Variants in SLC4A10 observed in about 807,000 individuals in gnomAD.
The protein encoded by SLC4A10 is solute carrier family 4 member 10.
SLC4A10 carries 42 observed loss-of-function variants against 137.7 expected under a neutral mutation model. That is an observed-to-expected ratio of 0.30 (90% CI 0.24 to 0.39). SLC4A10 has a LOEUF of 0.39. Ranked by LOEUF, SLC4A10 falls within the 10% of genes least tolerant of loss-of-function variation. The pLI, the probability that SLC4A10 is intolerant of heterozygous loss-of-function variation, is 1.00. For missense variants in SLC4A10, 925 were observed against 1,355.0 expected (o/e 0.68, Z 4.98); for synonymous variants, 474 against 464.1 (o/e 1.02, Z -0.27).
intron 3 of SLC4A10, among the ~76,000 whole-genome samples, chr2:161,833,741 C>T (rs955396878): frequency 1.6e-4 from 25 of 152,090 alleles, no homozygotes; most frequent in Non-Finnish European, 3.2e-4. Context: ...CTTTTTAATC[C>T]CCAAAGCCAT....
intron 1 of SLC4A10, among the ~76,000 whole-genome samples, chr2:161,721,917 G>A (rs1351536118): frequency 6.6e-6 from 1 of 152,102 alleles, no homozygotes; most frequent in Non-Finnish European, 1.5e-5. Context: ...CTTGTCGCCT[G>A]TCTTACTTCA....
chr2:161,865,815 A>C (rs1355451772), intron 6 of SLC4A10, among the ~76,000 whole-genome samples: 2 of 152,058 alleles, frequency 1.3e-5, no homozygotes, highest in African/African-American at 4.8e-5. Context: ...TGTAAATTGG[A>C]AATTCTGTTT....
intron 26 of SLC4A10, among the ~76,000 whole-genome samples, chr2:161,980,063 G>A (rs911181143): frequency 6.6e-6 from 1 of 152,140 alleles, no homozygotes; most frequent in Non-Finnish European, 1.5e-5. Flanking sequence ...TATTAAATGG[G>A]CTGGTGAAAA....
At position 161,965,044 on chromosome 2, in the gene SLC4A10, A is replaced by T; in HGVS notation, c.3037-7A>T. On this transcript the variant is annotated splice_polypyrimidine_tract_variant and splice_region_variant and intron_variant, in intron 22 of 26. Coordinates refer to ENST00000446997, the MANE Select transcript of SLC4A10 (RefSeq NM_001178015.2). ...TCCACTTTAAACTAGTTTATTATTT[A>T]CTTCAGGTGTTAGCCCTGGTATTTG... 1 of 1,607,774 alleles carries T rather than the reference A, an allele frequency of 6.2e-7. No homozygotes were observed. The highest frequency in any genetic ancestry group is 8.5e-7 in the Non-Finnish European group (1 of 1,176,858).
At chr2:161,708,842 G>C in intron 1 of SLC4A10, 1 of 1,525,580 alleles carries the variant, frequency 6.6e-7, no homozygotes, top group Non-Finnish European at 8.8e-7. Flanking sequence ...ATGACCTCAT[G>C]AATTATGATG....
At chr2:161,630,307 C>T (rs1250140567) in intron 1 of SLC4A10, among the ~76,000 whole-genome samples, 1 of 151,716 alleles carries the variant, frequency 6.6e-6, no homozygotes, top group Non-Finnish European at 1.5e-5. Context: ...CTTATAATAT[C>T]TTTGTTTGGT....
intron 10 of SLC4A10, among the ~76,000 whole-genome samples, chr2:161,889,275 A>G (rs781162827): frequency 2.0e-4 from 31 of 152,130 alleles, no homozygotes; most frequent in Non-Finnish European, 3.4e-4. Flanking sequence ...ACGTTTTGGT[A>G]TCAGGATGAT....
intron 18 of SLC4A10, 121 bp downstream of exon 18, chr2:161,949,382 G>C: frequency 1.7e-6 from 1 of 593,564 alleles, no homozygotes; most frequent in South Asian, 2.5e-5. Context: ...TAGAAGACCA[G>C]TAAATGAAAT....
chr2:161,783,344 T>C (rs1458586201), intron 2 of SLC4A10, among the ~76,000 whole-genome samples: 1 of 151,598 alleles, frequency 6.6e-6, no homozygotes, highest in Non-Finnish European at 1.5e-5. Flanking sequence ...CCACCAGACC[T>C]CCCTACAAAA....
intron 3 of SLC4A10, among the ~76,000 whole-genome samples, chr2:161,838,741 T>C (rs1325987429): frequency 2.0e-5 from 3 of 152,100 alleles, no homozygotes; most frequent in African/African-American, 7.2e-5. Context: ...ACAATAACCA[T>C]TATAGAAATG....
intron 3 of SLC4A10, among the ~76,000 whole-genome samples, chr2:161,823,551 T>A (rs556390703): frequency 6.6e-6 from 1 of 152,248 alleles, no homozygotes; most frequent in Admixed American, 6.5e-5. Flanking sequence ...GCCACAGTGA[T>A]GCTCGAAGTG....
intron 2 of SLC4A10, among the ~76,000 whole-genome samples, chr2:161,782,702 G>C (rs1211109032): frequency 4.8e-5 from 7 of 146,836 alleles, no homozygotes; most frequent in Non-Finnish European, 3.0e-5. Context: ...TAATTAAATT[G>C]AAAAATTCAC....
intron 3 of SLC4A10, among the ~76,000 whole-genome samples, chr2:161,832,156 G>A (rs144233444): frequency 2.0e-5 from 3 of 152,162 alleles, no homozygotes; most frequent in Non-Finnish European, 2.9e-5. Context: ...CACATATCCC[G>A]CTACATGTGC....
Position 161,784,048 on chromosome 2 carries a change from T to A in SLC4A10, c.130+12994T>A, listed in dbSNP as rs79938691. 7.2e-4 allele frequency among the ~76,000 whole-genome samples: 109 copies of A among 151,688 alleles called. 1 individual carries two copies. In the East Asian group the frequency reaches 0.02, roughly 28 times the overall value. On this transcript the variant is annotated intron_variant, in intron 2 of 26. Coordinates refer to ENST00000446997, the MANE Select transcript of SLC4A10 (RefSeq NM_001178015.2). ...CAATGTGAAAGAATGGAAAAAAAAA[T>A]TCCACGAAAATGTTAATGAAAAACG...
chr2:161,875,500 CA>C (rs1000240430), intron 8 of SLC4A10, among the ~76,000 whole-genome samples: 1 of 152,150 alleles, frequency 6.6e-6, no homozygotes, highest in East Asian at 1.9e-4. Flanking sequence ...ATAGACGTAT[CA>C]AACTTACTTA....
chr2:161,702,705 A>G (rs1392670200), intron 1 of SLC4A10, among the ~76,000 whole-genome samples: 1 of 151,776 alleles, frequency 6.6e-6, no homozygotes, highest in Non-Finnish European at 1.5e-5. Flanking sequence ...AATAAAGTCT[A>G]TGTCTACATT....
intron 3 of SLC4A10, among the ~76,000 whole-genome samples, chr2:161,822,866 T>C (rs2057738162): frequency 6.6e-6 from 1 of 152,030 alleles, no homozygotes; most frequent in Admixed American, 6.6e-5. Context: ...TCCCAGCTAT[T>C]TGGGAGCCTG....
chr2:161,708,681 T>A (rs1039012470), intron 1 of SLC4A10: 4 of 1,502,356 alleles, frequency 2.7e-6, no homozygotes, highest in Non-Finnish European at 3.5e-6. Context: ...TTGTTTGATA[T>A]TTTTTTCACT....
Position 161,834,115 on chromosome 2 carries a change from A to G in SLC4A10, c.278-5674A>G, listed in dbSNP as rs537397727. On this transcript the variant is annotated intron_variant, in intron 3 of 26. Coordinates refer to ENST00000446997, the MANE Select transcript of SLC4A10 (RefSeq NM_001178015.2). ...GCCAGCCTGATTGGTACATCCTCCA[A>G]ATGGTAGTCCAGCTAAAGGGAGGCC... Among the ~76,000 whole-genome samples the G allele has an allele frequency of 9.2e-5, 14 of 152,352 alleles. No homozygotes were observed. In the East Asian group the frequency reaches 2.1e-3, roughly 23 times the overall value.
Sources: gnomAD v4.1 joint callset for allele counts (sites outside exome capture counted in the v4.1 genomes callset) on GRCh38, gnomAD v4.1.1 for gene constraint, MANE v1.5 for transcripts, NCBI Gene and HGNC (gene_info 2026-07-23, HGNC 2026-07-21) for gene names.